The following CSNK1E variants were observed in gnomAD, a reference collection of about 807,000 sequenced individuals.
CSNK1E encodes casein kinase 1 epsilon.
A neutral mutation model predicts 46.1 loss-of-function variants in CSNK1E; 17 were observed. The observed-to-expected ratio is 0.37, with a 90% CI of 0.25 to 0.55. The LOEUF (loss-of-function observed/expected upper bound fraction) is 0.55. Ranked by LOEUF, CSNK1E falls within the 20% of genes least tolerant of loss-of-function variation. The pLI is 0.82. For synonymous variants in CSNK1E, 241 were observed against 242.6 expected, an observed-to-expected ratio of 0.99 and a Z score of 0.06; for missense variants, 386 against 595.4, an observed-to-expected ratio of 0.65 and a Z score of 3.66.
Position 38,314,238 on chromosome 22 carries a change from G to T in CSNK1E, c.-12-69C>A. 1.7e-6 allele frequency: 2 copies of T among 1,189,100 alleles called. 1 individual carries two copies. Among genetic ancestry groups the T allele is most frequent in the South Asian group, 2.5e-5 (2 of 80,380 alleles). 73.7% of individuals were successfully genotyped at this position (1,189,100 alleles called of 1,614,324 possible). ...CGGGAAAGGGGTCCAGTCCACCAAG[G>T]CCAGGCAGAGCCACCAGGAACTCGA... is the stretch of plus-strand genomic sequence containing the variant. On this transcript the variant is annotated intron_variant, in intron 1 of 10. Transcript: ENST00000396832.
intron 4 of CSNK1E, among the ~76,000 whole-genome samples, chr22:38,302,137 G>C (rs529318315): frequency 3.3e-5 from 5 of 152,140 alleles, no homozygotes; most frequent in African/African-American, 1.2e-4. Flanking sequence ...AGAGAGGTTC[G>C]GCGTTCACCT....
At chr22:38,299,341 C>G (rs1364079895) in intron 6 of CSNK1E, among the ~76,000 whole-genome samples, 2 of 152,208 alleles carry the variant, frequency 1.3e-5, no homozygotes, top group Non-Finnish European at 2.9e-5. Flanking sequence ...GGAAAACTTC[C>G]AATTCCTCCT....
At position 38,294,571 on chromosome 22, in the gene CSNK1E, G is replaced by C. The variant is rs373481922; in HGVS notation, c.886-37C>G. 1.9e-6 allele frequency: 3 copies of C among 1,544,268 alleles called. No individual in the cohort carries two copies. The African/African-American group carries it at 4.1e-5, about 21-fold the overall frequency. ...CAAGAAAAGACACCAGTCAGCCCCAGAGGCCAGGGTGCTCTGGGCCCAGCA... is the reference window on the plus strand; with the variant it reads ...CAAGAAAAGACACCAGTCAGCCCCACAGGCCAGGGTGCTCTGGGCCCAGCA... On this transcript the variant is annotated intron_variant, in intron 7 of 10. Coordinates refer to ENST00000396832, the MANE Select transcript of CSNK1E (RefSeq NM_152221.3). This position sits in a 1 kb window ranked among gnomAD's most constrained non-coding sequence, Gnocchi z 5.5.
At position 38,294,396 on chromosome 22, in the gene CSNK1E, G is replaced by A. The variant is rs1200940381; in HGVS notation, c.1024C>T (p.Arg342Cys). Reference protein sequence around the residue: ...PPTGATANRLRSAAEPVASTP... With the variant: ...PPTGATANRLCSAAEPVASTP... ...GAAGCCACGGGCTCGGCGGCACTGC[G>A]GAGCCGGTTGGCAGTGGCCCCCGTG... Residue 342 changes from arginine to cysteine, a missense_variant, in exon 8 of 11, where the codon CGC (arginine) becomes TGC (cysteine). Arg to Cys is a radical substitution (Grantham distance 180). This residue lies in a region of CSNK1E where 174 missense variants were observed against 185.2 expected (regional missense o/e 0.94). Transcript: ENST00000396832. The surrounding 1 kb of genome is among the most constrained non-coding windows in gnomAD (Gnocchi z 5.5). 2 of 1,555,610 alleles carry A rather than the reference G, an allele frequency of 1.3e-6. No individual in the cohort carries two copies. The highest frequency in any genetic ancestry group is 1.9e-5 in the Admixed American group (1 of 52,120).
intron 1 of CSNK1E, 126 bp downstream of exon 1, chr22:38,317,034 C>T (rs1456300621): frequency 1.3e-5 from 2 of 152,242 alleles, no homozygotes; most frequent in African/African-American, 4.8e-5. Context: ...CCCCTACACC[C>T]CAGCGCGAAC....
chr22:38,302,187 G>A (rs1270697623), intron 4 of CSNK1E, among the ~76,000 whole-genome samples: 4 of 152,168 alleles, frequency 2.6e-5, no homozygotes, highest in Admixed American at 6.5e-5. Context: ...CTGTGTGACC[G>A]ACCGCAGGCT....
At position 38,303,655 on chromosome 22, in the gene CSNK1E, C is replaced by T. The variant is rs1316587286; in HGVS notation, c.77-407G>A. 6.6e-6 allele frequency among the ~76,000 whole-genome samples: 1 copy of T among 152,016 alleles called. No individual in the cohort carries two copies. Among genetic ancestry groups the T allele is most frequent in the African/African-American group, 2.4e-5 (1 of 41,370 alleles). ...AAGAGGCCCAATGGGGCTGGGCTGC[C>T]GAACACACCAGAACAAGCCAGGACC... On this transcript the variant is annotated intron_variant, in intron 2 of 10. Coordinates refer to ENST00000396832, the MANE Select transcript of CSNK1E (RefSeq NM_152221.3). This position sits in a 1 kb window ranked among gnomAD's most constrained non-coding sequence, Gnocchi z 4.7.
chr22:38,316,474 T>C (rs1025285278), intron 1 of CSNK1E, among the ~76,000 whole-genome samples: 6 of 152,168 alleles, frequency 3.9e-5, no homozygotes, highest in Admixed American at 6.5e-5. Context: ...CACTTCGAGT[T>C]AGGGTATTAA....
intron 7 of CSNK1E, chr22:38,297,623 A>G: frequency 1.0e-6 from 1 of 994,786 alleles, no homozygotes; most frequent in Non-Finnish European, 1.2e-6. Flanking sequence ...GAGGTGTTTA[A>G]TGAGTTCTGG....
chr22:38,302,831 T>C (rs762661470), intron 4 of CSNK1E, 30 bp downstream of exon 4: 2 of 1,612,114 alleles, frequency 1.2e-6, no homozygotes, highest in South Asian at 1.1e-5. Context: ...CACAGGCATC[T>C]GGCTGGGGAT....
rs2092680343 is a variant in CSNK1E at position 38,302,855 on chromosome 22, A to G, written c.336+6T>C. 6.2e-7 allele frequency: 1 copy of G among 1,613,760 alleles called. No homozygotes were observed. The highest frequency in any genetic ancestry group is 1.1e-5 in the South Asian group (1 of 91,076). On this transcript the variant is annotated splice_donor_region_variant and intron_variant, in intron 4 of 10. Coordinates refer to ENST00000396832, the MANE Select transcript of CSNK1E (RefSeq NM_152221.3). ...CTGGCTGGGGATGGAGGGGACGGGG[A>G]CTCACCATCTGGTCGGCCAAGAGCA...
intron 2 of CSNK1E, among the ~76,000 whole-genome samples, chr22:38,307,386 T>A (rs1244672832): frequency 6.6e-6 from 1 of 151,830 alleles, no homozygotes; most frequent in Admixed American, 6.6e-5. Context: ...CCATCTCTAC[T>A]AAAAATACAA....
At chr22:38,299,305 C>CT (rs1415282970) in intron 6 of CSNK1E, among the ~76,000 whole-genome samples, 1 of 152,224 alleles carries the variant, frequency 6.6e-6, no homozygotes, top group Non-Finnish European at 1.5e-5. Flanking sequence ...CTGACGGGAC[C>CT]TTCTAACACA....
intron 2 of CSNK1E, among the ~76,000 whole-genome samples, chr22:38,305,121 CAAAAAAAAAAAAAA>C (rs33987200): frequency 1.9e-5 from 1 of 52,846 alleles, no homozygotes; most frequent in African/African-American, 7.1e-5. Context: ...AACTCCAGCT[CAAAAAAAAAAAAAA>C]AAAAAAAAAA....
intron 9 of CSNK1E, 83 bp from the exon 10 acceptor site, chr22:38,293,402 T>TA: frequency 2.3e-6 from 2 of 883,768 alleles, no homozygotes; most frequent in South Asian, 3.0e-5. Context: ...CCGCTGGCGA[T>TA]AGAGATTTGG....
At chr22:38,302,805 G>A in intron 4 of CSNK1E, 56 bp downstream of exon 4, 1 of 1,602,282 alleles carries the variant, frequency 6.2e-7, no homozygotes. Context: ...AGGAGGCAGG[G>A]CTGGTATCCT....
Position 38,298,133 on chromosome 22 carries a change from G to C in CSNK1E, c.885+653C>G. 1 of 1,292,578 alleles carries C rather than the reference G, an allele frequency of 7.7e-7. No individual in the cohort carries two copies. The highest frequency in any genetic ancestry group is 1.0e-6 in the Non-Finnish European group (1 of 982,592). 80.1% of individuals were successfully genotyped at this position (1,292,578 alleles called of 1,614,324 possible). On this transcript the variant is annotated intron_variant, in intron 7 of 10. Coordinates refer to ENST00000396832, the MANE Select transcript of CSNK1E (RefSeq NM_152221.3). The surrounding 1 kb of genome is among the most constrained non-coding windows in gnomAD (Gnocchi z 4.2). ...GTACGTGGGCCCAGCACAGGGACAGGGGCGGGGACAGAAAGGTCCCTTCGC... is the reference window on the plus strand; with the variant it reads ...GTACGTGGGCCCAGCACAGGGACAGCGGCGGGGACAGAAAGGTCCCTTCGC...
rs758307186 is a variant in CSNK1E at position 38,300,968 on chromosome 22, G to A, written c.337-16C>T. On this transcript the variant is annotated splice_polypyrimidine_tract_variant and intron_variant, in intron 4 of 10. Transcript: ENST00000396832. This position sits in a 1 kb window ranked among gnomAD's most constrained non-coding sequence, Gnocchi z 4.4. ...TGCGGCTGATCTGGGGAGGAGGGGG[G>A]CCATTTGTTCAACAGAGGGGCCCTT... The A allele has an allele frequency of 6.2e-7, 1 of 1,608,822 alleles. No homozygotes were observed. Among genetic ancestry groups the A allele is most frequent in the South Asian group, 1.1e-5 (1 of 90,984 alleles).
Position 38,298,489 on chromosome 22 carries a change from C to G in CSNK1E, c.885+297G>C, listed in dbSNP as rs3788542. ...CAGCAATCAGGGCAGCAGGGGGCGC[C>G]GCCAGCACCACCCATGCCCTGCTGC... On this transcript the variant is annotated intron_variant, in intron 7 of 10. Coordinates refer to ENST00000396832, the MANE Select transcript of CSNK1E (RefSeq NM_152221.3). The surrounding 1 kb of genome is among the most constrained non-coding windows in gnomAD (Gnocchi z 4.2). 7 of 416,572 alleles carry G rather than the reference C, an allele frequency of 1.7e-5. No individual in the cohort carries two copies. Among genetic ancestry groups the G allele is most frequent in the South Asian group, 1.5e-4 (7 of 47,478 alleles). 25.8% of individuals were successfully genotyped at this position (416,572 alleles called of 1,614,324 possible). A position where few individuals can be genotyped will look rare whatever the true frequency, so the allele number is the denominator to read the frequency against.
Sources: allele counts gnomAD v4.1 joint callset (sites outside exome capture counted in the v4.1 genomes callset), GRCh38; gene constraint gnomAD v4.1.1; regional missense constraint gnomAD v4.1.1; non-coding constraint Gnocchi (gnomAD v3.1); transcripts MANE v1.5; gene names NCBI Gene and HGNC (gene_info 2026-07-23, HGNC 2026-07-21).